Variants in MCC observed in about 807,000 individuals in gnomAD.
MCC encodes the protein MCC regulator of Wnt signaling pathway.
A neutral mutation model predicts 116.2 loss-of-function variants in MCC; 90 were observed. That is an observed-to-expected ratio of 0.77 (90% CI 0.65 to 0.92). The LOEUF is 0.92. Ranked by LOEUF, MCC falls within the 40% of genes least tolerant of loss-of-function variation. The probability of loss-of-function intolerance (pLI) is 0.00; values close to 1 mark genes in which losing one functional copy is unlikely to be tolerated. For missense variants in MCC, 1,516 were observed against 1,312.2 expected, an observed-to-expected ratio of 1.16 and a Z score of -2.40; for synonymous variants, 578 against 510.5, an observed-to-expected ratio of 1.13 and a Z score of -1.78.
At chr5:113,413,618 T>C (rs1229704442) in intron 1 of MCC, among the ~76,000 whole-genome samples, 1 of 152,244 alleles carries the variant, frequency 6.6e-6, no homozygotes, top group Non-Finnish European at 1.5e-5. Flanking sequence ...GGTAGTGATA[T>C]CCCCTTTATC....
At chr5:113,461,997 T>A (rs1771757730) in intron 1 of MCC, among the ~76,000 whole-genome samples, 1 of 152,240 alleles carries the variant, frequency 6.6e-6, no homozygotes, top group East Asian at 1.9e-4. Flanking sequence ...TGAATGTAAG[T>A]CTGACTGGTA....
chr5:113,351,074 T>C (rs1490108339), intron 2 of MCC, among the ~76,000 whole-genome samples: 1 of 152,072 alleles, frequency 6.6e-6, no homozygotes, highest in Non-Finnish European at 1.5e-5. Context: ...GGAACCCTCA[T>C]ACACTGTTGG....
At chr5:113,375,239 C>T (rs1459309786) in intron 2 of MCC, among the ~76,000 whole-genome samples, 1 of 151,894 alleles carries the variant, frequency 6.6e-6, no homozygotes, top group Non-Finnish European at 1.5e-5. Flanking sequence ...TCAGCTTGGA[C>T]TTAATTTCTT....
intron 3 of MCC, among the ~76,000 whole-genome samples, chr5:113,276,849 G>A (rs1765845993): frequency 1.4e-5 from 2 of 147,446 alleles, no homozygotes; most frequent in South Asian, 4.4e-4. Context: ...GTGTTACCGA[G>A]GCTGGTCTAC....
chr5:113,375,921 T>C (rs889702800), intron 2 of MCC, among the ~76,000 whole-genome samples: 1 of 152,204 alleles, frequency 6.6e-6, no homozygotes, highest in Non-Finnish European at 1.5e-5. Context: ...ATTGTGGCCA[T>C]GTTTTTCAAT....
chr5:113,231,258 G>C (rs1047112803), intron 3 of MCC, among the ~76,000 whole-genome samples: 7 of 152,080 alleles, frequency 4.6e-5, no homozygotes, highest in African/African-American at 1.7e-4. Flanking sequence ...ACCATAAGAA[G>C]AGAGTTTCCC....
chr5:113,445,539 G>A (rs1052897123), intron 1 of MCC, among the ~76,000 whole-genome samples: 1 of 151,998 alleles, frequency 6.6e-6, no homozygotes, highest in Non-Finnish European at 1.5e-5. Context: ...ATCTAACCAA[G>A]AAGATGAAAG....
At chr5:113,327,561 A>AAAATATATATAT (rs1480996383) in intron 3 of MCC, among the ~76,000 whole-genome samples, 9 of 80,566 alleles carry the variant, frequency 1.1e-4, no homozygotes, top group African/African-American at 4.0e-4. Flanking sequence ...AAAAAAAAAA[A>AAAATATATATAT]ATATATATAT....
chr5:113,062,741 C>G (rs1478191431), intron 14 of MCC, among the ~76,000 whole-genome samples: 1 of 152,180 alleles, frequency 6.6e-6, no homozygotes, highest in African/African-American at 2.4e-5. Context: ...AGAATCAAGT[C>G]CCTTTTGTTT....
At chr5:113,388,366 A>G (rs1769324206) in intron 1 of MCC, among the ~76,000 whole-genome samples, 1 of 152,198 alleles carries the variant, frequency 6.6e-6, no homozygotes, top group Non-Finnish European at 1.5e-5. Context: ...GGGAATTACA[A>G]TTATCCCCTG....
intron 1 of MCC, among the ~76,000 whole-genome samples, chr5:113,426,208 C>G (rs1329524635): frequency 6.6e-6 from 1 of 152,148 alleles, no homozygotes; most frequent in African/African-American, 2.4e-5. Context: ...GGAACTCACT[C>G]CTTATCTCCC....
At chr5:113,136,689 T>G (rs1758847399) in intron 5 of MCC, among the ~76,000 whole-genome samples, 3 of 152,196 alleles carry the variant, frequency 2.0e-5, no homozygotes, top group African/African-American at 7.2e-5. Flanking sequence ...TTTAACGTGT[T>G]GATTTTGTAT....
intron 3 of MCC, among the ~76,000 whole-genome samples, chr5:113,298,979 C>T (rs1048295118): frequency 6.6e-6 from 1 of 151,950 alleles, no homozygotes. Flanking sequence ...ATGCTGAACC[C>T]CATTGCATGT....
chr5:113,270,063 C>A (rs114342230), intron 3 of MCC, among the ~76,000 whole-genome samples: 2,640 of 152,250 alleles, frequency 0.017, 42 homozygotes, highest in Middle Eastern at 0.061. Context: ...ACATTACTTT[C>A]TTTCATTTAC....
intron 2 of MCC, among the ~76,000 whole-genome samples, chr5:113,360,408 T>G (rs1423422687): frequency 6.6e-6 from 1 of 152,200 alleles, no homozygotes; most frequent in Non-Finnish European, 1.5e-5. Context: ...GTATTTTGTT[T>G]AGGATTTTTG....
chr5:113,384,418 C>G (rs1314368227), intron 2 of MCC, among the ~76,000 whole-genome samples: 8 of 152,250 alleles, frequency 5.3e-5, no homozygotes, highest in African/African-American at 1.9e-4. Flanking sequence ...GAAACCCCGT[C>G]TCTACTAAAA....
At chr5:113,174,155 A>G (rs17135385) in intron 3 of MCC, among the ~76,000 whole-genome samples, 3,303 of 152,286 alleles carry the variant, frequency 0.022, 118 homozygotes, top group African/African-American at 0.075. Context: ...ATGCTAAGAG[A>G]GATTTAGGAC....
chr5:113,139,477 A>G (rs1463781258), intron 5 of MCC, among the ~76,000 whole-genome samples: 1 of 152,166 alleles, frequency 6.6e-6, no homozygotes, highest in Non-Finnish European at 1.5e-5. Flanking sequence ...AATCTCACAC[A>G]TGAATTAATA....
At chr5:113,150,339 G>A (rs1161640975) in intron 4 of MCC, among the ~76,000 whole-genome samples, 1 of 152,040 alleles carries the variant, frequency 6.6e-6, no homozygotes, top group Admixed American at 6.6e-5. Context: ...AAATACTGAC[G>A]TCAAATCCCA....
Sources: gnomAD v4.1 joint callset for allele counts (sites outside exome capture counted in the v4.1 genomes callset) on GRCh38, gnomAD v4.1.1 for gene constraint, MANE v1.5 for transcripts, NCBI Gene and HGNC (gene_info 2026-07-23, HGNC 2026-07-21) for gene names.